Variants in OR4K17 observed in about 807,000 individuals in gnomAD.
The protein encoded by OR4K17 is olfactory receptor 4K17.
For missense variants in OR4K17, 480 were observed against 366.3 expected (o/e 1.31, Z -2.53); for synonymous variants, 157 against 132.8 (o/e 1.18, Z -1.25).
Position 20,117,698 on chromosome 14 carries a change from T to C in OR4K17, c.199T>C (p.Ser67Pro). 1 of 1,614,092 alleles carries C rather than the reference T, an allele frequency of 6.2e-7. No individual in the cohort carries two copies. ...TPMYFLLGNL[S>P]FVDMTLASFA... Reference sequence around the variant, plus strand: ...CATGTATTTTCTCCTTGGTAATCTCTCTTTTGTAGATATGACCCTTGCTTC... The same window carrying C: ...CATGTATTTTCTCCTTGGTAATCTCCCTTTTGTAGATATGACCCTTGCTTC... Residue 67 changes from serine (S) to proline (P), a missense_variant, in exon 2 of 2, where the codon TCT (serine) becomes CCT (proline). Coordinates refer to ENST00000641386, the MANE Select transcript of OR4K17 (RefSeq NM_001004715.5).
Position 20,118,668 on chromosome 14 carries a change from C to A in OR4K17, c.*230C>A. The stretch of plus-strand genomic sequence containing the variant: ...ATGTCAGCGGGTTCCGTGATGCCCC[C>A]CAAGCTGCAAAACCAGCAAGTTTTT... On this transcript the variant is annotated 3_prime_UTR_variant, in exon 2 of 2. Coordinates refer to ENST00000641386, the MANE Select transcript of OR4K17 (RefSeq NM_001004715.5). 2.9e-6 allele frequency: 1 copy of A among 342,718 alleles called. No homozygotes were observed. Among genetic ancestry groups the A allele is most frequent in the South Asian group, 4.4e-5 (1 of 22,684 alleles). 21.2% of individuals were successfully genotyped at this position (342,718 alleles called of 1,614,324 possible). A position where few individuals can be genotyped will look rare whatever the true frequency, so the allele number is the denominator to read the frequency against.
Position 20,118,498 on chromosome 14 carries a change from TG to T in OR4K17, c.*63del. On this transcript the variant is annotated 3_prime_UTR_variant, in exon 2 of 2. Transcript: ENST00000641386. The stretch of plus-strand genomic sequence containing the variant: ...GCTGATGCCTGTAATCCCCACACTT[TG>T]GGAGGAATATCAGGGGAACCAGCCC... 1.0e-6 allele frequency: 1 copy of T among 953,000 alleles called. No individual in the cohort carries two copies. Among genetic ancestry groups the T allele is most frequent in the Non-Finnish European group, 1.6e-6 (1 of 637,076 alleles). 59.0% of individuals were successfully genotyped at this position (953,000 alleles called of 1,614,324 possible).
chr14:20,118,209 G>A lies in OR4K17; in HGVS notation c.710G>A (p.Arg237His), dbSNP rs146537080. Residue 237 changes from arginine (R) to histidine (H), a missense_variant, in exon 2 of 2, where the codon CGT (arginine) becomes CAT (histidine). Coordinates refer to ENST00000641386, the MANE Select transcript of OR4K17 (RefSeq NM_001004715.5). ...TCTCCTACTGGGCAATCTAAAGCCCGTTCCACTTTGACTGCTCACATCACA... is the reference window on the plus strand; with the variant it reads ...TCTCCTACTGGGCAATCTAAAGCCCATTCCACTTTGACTGCTCACATCACA... ...NHSPTGQSKA[R>H]STLTAHITVV... 1.2e-4 allele frequency: 197 copies of A among 1,613,698 alleles called. 1 individual carries two copies. The East Asian group carries it at 1.9e-3, about 16-fold the overall frequency.
chr14:20,119,113 T>C lies in OR4K17; in HGVS notation c.*675T>C, dbSNP rs985191163. The C allele has an allele frequency of 5.9e-5, 9 of 152,242 alleles. No homozygotes were observed. The highest frequency in any genetic ancestry group is 1.2e-4 in the Non-Finnish European group (8 of 68,056). 9.4% of individuals were successfully genotyped at this position (152,242 alleles called of 1,614,324 possible). On this transcript the variant is annotated 3_prime_UTR_variant, in exon 2 of 2. Coordinates refer to ENST00000641386, the MANE Select transcript of OR4K17 (RefSeq NM_001004715.5). ...TGCTGAGAAAAAGAATTCAGCGATA[T>C]TTCTCCTATTCACTTTTGTAAGAAG... is the stretch of plus-strand genomic sequence containing the variant.
intron 1 of OR4K17, among the ~76,000 whole-genome samples, chr14:20,111,493 G>A (rs1304263906): frequency 6.6e-6 from 1 of 151,962 alleles, no homozygotes; most frequent in African/African-American, 2.4e-5. Flanking sequence ...AGAGGCTCTT[G>A]CAGAGAGAAC....
Position 20,117,564 on chromosome 14 carries a change from A to G in OR4K17, c.65A>G (p.Asp22Gly). Residue 22 changes from aspartate to glycine, a missense_variant, in exon 2 of 2, where the codon GAT becomes GGT. Physicochemically the swap from Asp to Gly is moderately conservative, Grantham distance 94 (BLOSUM62 -1). Coordinates refer to ENST00000641386, the MANE Select transcript of OR4K17 (RefSeq NM_001004715.5). ...TTGCTGGGACTGACCAGCTCCCAGG[A>G]TGTAGAGTTTCTTCTCTTTGCCCTC... ...FILLGLTSSQ[D>G]VEFLLFALFS... The G allele has an allele frequency of 6.2e-7, 1 of 1,614,006 alleles. No individual in the cohort carries two copies. The highest frequency in any genetic ancestry group is 8.5e-7 in the Non-Finnish European group (1 of 1,179,980).
chr14:20,117,122 C>A (rs529097388), intron 1 of OR4K17, among the ~76,000 whole-genome samples: 1 of 152,158 alleles, frequency 6.6e-6, no homozygotes, highest in Admixed American at 6.6e-5. Context: ...GTGCTGAAAC[C>A]CTTTGTTCTC....
Position 20,120,236 on chromosome 14 carries a change from T to A in OR4K17, c.*1798T>A, listed in dbSNP as rs574486303. On this transcript the variant is annotated 3_prime_UTR_variant, in exon 2 of 2. Coordinates refer to ENST00000641386, the MANE Select transcript of OR4K17 (RefSeq NM_001004715.5). ...TTCTCTGTCTTCTTTACAATATTAATGTCTAAGTCAGCACTCATATGCAGT... is the reference window on the plus strand; with the variant it reads ...TTCTCTGTCTTCTTTACAATATTAAAGTCTAAGTCAGCACTCATATGCAGT... The A allele has an allele frequency of 7.2e-5, 11 of 152,328 alleles. No individual in the cohort carries two copies. The highest frequency in any genetic ancestry group is 2.6e-4 in the African/African-American group (11 of 41,582). 9.4% of individuals were successfully genotyped at this position (152,328 alleles called of 1,614,324 possible).
chr14:20,110,887 G>C lies in OR4K17; in HGVS notation c.-38G>C, dbSNP rs1250812835. 1 of 152,010 alleles carries C rather than the reference G, an allele frequency of 6.6e-6. No individual in the cohort carries two copies. Among genetic ancestry groups the C allele is most frequent in the African/African-American group, 2.4e-5 (1 of 41,410 alleles). The allele number at this position is 152,010 out of a possible 1,614,324, so 9.4% of individuals were successfully genotyped here. A position where few individuals can be genotyped will look rare whatever the true frequency, so the allele number is the denominator to read the frequency against. Reference sequence around the variant, plus strand: ...TGAACCCATGGCCCTGACTTCTTCTGAACTGGTAAGCAGAAGACATTGCTG... The same window carrying C: ...TGAACCCATGGCCCTGACTTCTTCTCAACTGGTAAGCAGAAGACATTGCTG... On this transcript the variant is annotated 5_prime_UTR_variant, in exon 1 of 2. Coordinates refer to ENST00000641386, the MANE Select transcript of OR4K17 (RefSeq NM_001004715.5).
rs753774920 is a variant in OR4K17, at chr14:20,118,313, G to C, written c.814G>C (p.Ala272Pro). 8.7e-6 allele frequency: 14 copies of C among 1,613,320 alleles called. 1 individual carries two copies. The Admixed American group carries it at 1.0e-4, about 12-fold the overall frequency. ...CAACCACTCTGTAGATAAGTTCCTTGCTGTGTTTTATACCATCATCACTCC... is the reference window on the plus strand; with the variant it reads ...CAACCACTCTGTAGATAAGTTCCTTCCTGTGTTTTATACCATCATCACTCC... Reference protein sequence around the residue: ...FGNHSVDKFLAVFYTIITPIL... With the variant: ...FGNHSVDKFLPVFYTIITPIL... Residue 272 changes from alanine to proline, a missense_variant, in exon 2 of 2, where the codon GCT becomes CCT. Coordinates refer to ENST00000641386, the MANE Select transcript of OR4K17 (RefSeq NM_001004715.5).
At chr14:20,115,235 G>C (rs1877960788) in intron 1 of OR4K17, among the ~76,000 whole-genome samples, 1 of 151,984 alleles carries the variant, frequency 6.6e-6, no homozygotes. Flanking sequence ...GTGTTTTCAG[G>C]TCCTGGCATT....
rs1307308170 is a variant in OR4K17, at chr14:20,120,250, C to G, written c.*1812C>G. ...TACAATATTAATGTCTAAGTCAGCA[C>G]TCATATGCAGTGTCTCCTAAGAAAC... is the stretch of plus-strand genomic sequence containing the variant. On this transcript the variant is annotated 3_prime_UTR_variant, in exon 2 of 2. Coordinates refer to ENST00000641386, the MANE Select transcript of OR4K17 (RefSeq NM_001004715.5). 2 of 152,164 alleles carry G rather than the reference C, an allele frequency of 1.3e-5. No homozygotes were observed. The highest frequency in any genetic ancestry group is 2.4e-5 in the African/African-American group (1 of 41,452). The allele number at this position is 152,164 out of a possible 1,614,324, so 9.4% of individuals were successfully genotyped here.
intron 1 of OR4K17, among the ~76,000 whole-genome samples, chr14:20,113,031 G>A (rs562589823): frequency 6.6e-6 from 1 of 152,058 alleles, no homozygotes; most frequent in Admixed American, 6.6e-5. Context: ...CACAGCTATT[G>A]ATACAATTTG....
At chr14:20,114,939 A>G (rs903586145) in intron 1 of OR4K17, among the ~76,000 whole-genome samples, 1 of 152,120 alleles carries the variant, frequency 6.6e-6, no homozygotes, top group South Asian at 2.1e-4. Context: ...TAGGGTTAAT[A>G]AAAACTCTCC....
rs143729180 is a variant in OR4K17, at chr14:20,121,116, C to A, written c.*2678C>A. ...GGGGAAGTTCTTTCTGTACTGAAACCAGCCTGTGAAGTCTGGAAGAGATGA... is the reference window on the plus strand; with the variant it reads ...GGGGAAGTTCTTTCTGTACTGAAACAAGCCTGTGAAGTCTGGAAGAGATGA... On this transcript the variant is annotated 3_prime_UTR_variant, in exon 2 of 2. Transcript: ENST00000641386. 1.2e-4 allele frequency: 19 copies of A among 152,304 alleles called. No individual in the cohort carries two copies. The highest frequency in any genetic ancestry group is 4.6e-4 in the African/African-American group (19 of 41,562). 9.4% of individuals were successfully genotyped at this position (152,304 alleles called of 1,614,324 possible).
At chr14:20,115,368 T>C (rs532571296) in intron 1 of OR4K17, among the ~76,000 whole-genome samples, 2 of 152,240 alleles carry the variant, frequency 1.3e-5, no homozygotes, top group Non-Finnish European at 2.9e-5. Context: ...ATAAATTTTG[T>C]ATGTATATGC....
chr14:20,113,424 T>A (rs1877922792), intron 1 of OR4K17, among the ~76,000 whole-genome samples: 2 of 152,010 alleles, frequency 1.3e-5, no homozygotes, highest in East Asian at 3.9e-4. Context: ...TGAATTTGAA[T>A]CCCATGATTT....
chr14:20,121,973 C>T lies in OR4K17; in HGVS notation c.*3535C>T, dbSNP rs1256031849. 2 of 152,028 alleles carry T rather than the reference C, an allele frequency of 1.3e-5. No homozygotes were observed. Among genetic ancestry groups the T allele is most frequent in the East Asian group, 3.9e-4 (2 of 5,194 alleles). 9.4% of individuals were successfully genotyped at this position (152,028 alleles called of 1,614,324 possible). ...TTATCTAGAGTTGGTATAAATCATA[C>T]AACAGAATGCATGTAAGTTTTATGC... On this transcript the variant is annotated 3_prime_UTR_variant, in exon 2 of 2. Transcript: ENST00000641386.
At chr14:20,116,176 A>G (rs1057034918) in intron 1 of OR4K17, among the ~76,000 whole-genome samples, 7 of 152,126 alleles carry the variant, frequency 4.6e-5, no homozygotes, top group Non-Finnish European at 1.0e-4. Flanking sequence ...CCAGTCTGCC[A>G]TCTTCATTTG....
Sources: allele counts gnomAD v4.1 joint callset (sites outside exome capture counted in the v4.1 genomes callset), GRCh38; gene constraint gnomAD v4.1.1; transcripts MANE v1.5; gene names NCBI Gene and HGNC (gene_info 2026-07-23, HGNC 2026-07-21).